Variants in ADAM19 observed in about 807,000 individuals in gnomAD.
ADAM19 encodes the protein disintegrin and metalloproteinase domain-containing protein 19.
Under a neutral mutation model 114.7 loss-of-function variants are expected in ADAM19, and 65 were observed. The observed-to-expected ratio is 0.57, with a 90% CI of 0.46 to 0.70. The LOEUF is 0.70. ADAM19 is among the 30% of genes least tolerant of loss of function. The pLI is 0.00. For missense variants in ADAM19, 1,063 were observed against 1,204.7 expected, an observed-to-expected ratio of 0.88 and a Z score of 1.74; for synonymous variants, 466 against 460.5, an observed-to-expected ratio of 1.01 and a Z score of -0.15.
intron 3 of ADAM19, among the ~76,000 whole-genome samples, chr5:157,547,339 T>C (rs1757076368): frequency 6.6e-6 from 1 of 152,214 alleles, no homozygotes; most frequent in Non-Finnish European, 1.5e-5. Flanking sequence ...CAAAAGCCTG[T>C]GTTGGAAACT....
intron 1 of ADAM19, among the ~76,000 whole-genome samples, chr5:157,575,051 G>A (rs904992532): frequency 6.6e-6 from 1 of 152,232 alleles, no homozygotes. Flanking sequence ...GATCCGAAGT[G>A]TGTGGCTGCA....
rs1173024206 is a variant in ADAM19, at chr5:157,478,710, C to T, written c.*2239G>A. The T allele has an allele frequency of 2.0e-6, 2 of 985,742 alleles. No individual in the cohort carries two copies. Among genetic ancestry groups the T allele is most frequent in the East Asian group, 2.3e-4 (2 of 8,832 alleles). 61.1% of individuals were successfully genotyped at this position (985,742 alleles called of 1,614,324 possible). On this transcript the variant is annotated 3_prime_UTR_variant, in exon 23 of 23. Transcript: ENST00000257527. ...TCTATCAAATTCCAAAACATTCCAC[C>T]ATCTTCCAGTTCACAGTACAACTTT... is the stretch of plus-strand genomic sequence containing the variant.
intron 2 of ADAM19, 59 bp from the exon 3 acceptor site, chr5:157,564,502 C>T (rs768104800): frequency 7.1e-5 from 105 of 1,470,040 alleles, no homozygotes; most frequent in Non-Finnish European, 9.2e-5. Flanking sequence ...CTCCCTGGGT[C>T]GGGCACAGGA....
At chr5:157,506,981 A>G in intron 10 of ADAM19, 75 bp downstream of exon 10, 2 of 1,244,344 alleles carry the variant, frequency 1.6e-6, no homozygotes, top group South Asian at 1.3e-5. Flanking sequence ...TCAACTTATT[A>G]TTCAAAAGAT....
At chr5:157,550,485 C>G (rs1286396971) in intron 3 of ADAM19, among the ~76,000 whole-genome samples, 1 of 152,178 alleles carries the variant, frequency 6.6e-6, no homozygotes, top group Non-Finnish European at 1.5e-5. Flanking sequence ...GGGATAAGGA[C>G]TTCAACATAT....
rs1757793684 is a variant in ADAM19 at position 157,570,619 on chromosome 5, A to G, written c.180+276T>C. 4 of 341,326 alleles carry G rather than the reference A, an allele frequency of 1.2e-5. No individual in the cohort carries two copies. The East Asian group carries it at 2.2e-4, about 19-fold the overall frequency. The allele number at this position is 341,326 out of a possible 1,614,324, so 21.1% of individuals were successfully genotyped here. ...ATTTAATGAATTCCAATCAAGACTA[A>G]GTGATTTCTGTGACACCAACACATC... On this transcript the variant is annotated intron_variant, in intron 2 of 22. Transcript: ENST00000257527.
chr5:157,565,037 C>T (rs968086664), intron 2 of ADAM19, among the ~76,000 whole-genome samples: 3 of 152,110 alleles, frequency 2.0e-5, no homozygotes, highest in African/African-American at 4.8e-5. Context: ...GTTTGGAAAA[C>T]CCCAATCATC....
In ADAM19 at chr5:157,477,821, G is replaced by T. The variant is rs79873717; in HGVS notation, c.*3128C>A. ...GGCGTATTGCAGGAGGTGGGGAGGG[G>T]CTATTGCTTCAGGGGGAAGGGACTA... On this transcript the variant is annotated 3_prime_UTR_variant, in exon 23 of 23. Coordinates refer to ENST00000257527, the MANE Select transcript of ADAM19 (RefSeq NM_033274.5). The T allele has an allele frequency of 1.9e-3, 1,751 of 939,696 alleles. 16 individuals are homozygous for T. In the African/African-American group the frequency reaches 0.026, roughly 14 times the overall value. The allele number at this position is 939,696 out of a possible 1,614,324, so 58.2% of individuals were successfully genotyped here.
chr5:157,524,876 T>A (rs1175549637), intron 5 of ADAM19, among the ~76,000 whole-genome samples: 1 of 152,206 alleles, frequency 6.6e-6, no homozygotes, highest in Admixed American at 6.5e-5. Flanking sequence ...CAGCTAACGG[T>A]CATTGATTGT....
At chr5:157,550,306 C>T (rs553692808) in intron 3 of ADAM19, among the ~76,000 whole-genome samples, 114 of 152,116 alleles carry the variant, frequency 7.5e-4, no homozygotes, top group Non-Finnish European at 1.2e-3. Flanking sequence ...TGGCATAACT[C>T]TAATCTTCAC....
At chr5:157,566,390 G>GTTTATTAACTAT (rs1340887285) in intron 2 of ADAM19, 1 of 152,082 alleles carries the variant, frequency 6.6e-6, no homozygotes, top group African/African-American at 2.4e-5. Flanking sequence ...ATAGTTAATG[G>GTTTATTAACTAT]GATCATGAGT....
intron 3 of ADAM19, among the ~76,000 whole-genome samples, chr5:157,553,415 AT>A (rs1348015353): frequency 6.6e-6 from 1 of 152,220 alleles, no homozygotes; most frequent in Non-Finnish European, 1.5e-5. Context: ...CTTCTAATTA[AT>A]TTTTTTAAAT....
chr5:157,527,795 G>C (rs1187456941), intron 5 of ADAM19, among the ~76,000 whole-genome samples: 2 of 152,214 alleles, frequency 1.3e-5, no homozygotes, highest in Non-Finnish European at 2.9e-5. Flanking sequence ...TCTGGGGTGA[G>C]AAAGAGATGT....
At chr5:157,498,395 C>T (rs1023923293) in intron 13 of ADAM19, among the ~76,000 whole-genome samples, 28 of 152,216 alleles carry the variant, frequency 1.8e-4, no homozygotes, top group African/African-American at 4.8e-4. Flanking sequence ...GCTCCTTAAC[C>T]GGCAGCGGGG....
At chr5:157,545,890 G>C (rs1218702283) in intron 3 of ADAM19, among the ~76,000 whole-genome samples, 1 of 152,224 alleles carries the variant, frequency 6.6e-6, no homozygotes, top group Non-Finnish European at 1.5e-5. Context: ...GGCATCAGGA[G>C]GCCAGAGTTT....
rs748704983 is a variant in ADAM19, at chr5:157,564,379, T to C, written c.245A>G (p.Lys82Arg). ...EGRELILDLEKNEQLFAPSYT... is the reference protein window; with the variant it reads ...EGRELILDLERNEQLFAPSYT... ...AAAGGAGGAGTCCACTTACTCATTCTTCTCCAGGTCCAGGATCAGTTCTCG... is the reference window on the plus strand; with the variant it reads ...AAAGGAGGAGTCCACTTACTCATTCCTCTCCAGGTCCAGGATCAGTTCTCG... The change falls in exon 3 of 23, where the codon AAG becomes AGG. Residue 82 changes from lysine to arginine, a missense_variant. Lys to Arg is a conservative substitution (Grantham distance 26). Transcript: ENST00000257527. 6.2e-7 allele frequency: 1 copy of C among 1,614,152 alleles called. No homozygotes were observed. The highest frequency in any genetic ancestry group is 8.5e-7 in the Non-Finnish European group (1 of 1,179,976).
intron 5 of ADAM19, among the ~76,000 whole-genome samples, chr5:157,530,373 C>T (rs889715142): frequency 6.6e-5 from 10 of 152,334 alleles, no homozygotes; most frequent in Admixed American, 2.6e-4. Context: ...TTCTCTGCCT[C>T]GCCCATTCCT....
chr5:157,567,324 G>A lies in ADAM19; in HGVS notation c.181-2881C>T, dbSNP rs145314277. On this transcript the variant is annotated intron_variant, in intron 2 of 22. Transcript: ENST00000257527. ...AAACCCACCGAAGTAGGAAGCTGGGGAGATGTTTGACCAATAACTTTCACT... is the reference window on the plus strand; with the variant it reads ...AAACCCACCGAAGTAGGAAGCTGGGAAGATGTTTGACCAATAACTTTCACT... 1.5e-3 allele frequency among the ~76,000 whole-genome samples: 234 copies of A among 152,332 alleles called. 1 individual carries two copies. The highest frequency in any genetic ancestry group is 5.2e-3 in the African/African-American group (218 of 41,578).
intron 1 of ADAM19, 73 bp downstream of exon 1, chr5:157,575,530 G>T: frequency 2.5e-6 from 3 of 1,184,144 alleles, no homozygotes; most frequent in Non-Finnish European, 3.3e-6. Flanking sequence ...CGGTCCCAGC[G>T]CTCCGGACCC....
Sources: allele counts gnomAD v4.1 joint callset (sites outside exome capture counted in the v4.1 genomes callset), GRCh38; gene constraint gnomAD v4.1.1; transcripts MANE v1.5; gene names NCBI Gene and HGNC (gene_info 2026-07-23, HGNC 2026-07-21).